Variants in KIAA1328 observed in about 807,000 individuals in gnomAD.
The protein encoded by KIAA1328 is protein hinderin.
Under a neutral mutation model 68.1 loss-of-function variants are expected in KIAA1328, and 52 were observed. The observed-to-expected ratio is 0.76, with a 90% CI of 0.61 to 0.96. KIAA1328 has a LOEUF of 0.96. Ranked by LOEUF, KIAA1328 falls within the 40% of genes least tolerant of loss-of-function variation. The pLI, the probability that KIAA1328 is intolerant of heterozygous loss-of-function variation, is 0.00. For missense variants in KIAA1328, 641 were observed against 677.6 expected, an observed-to-expected ratio of 0.95 and a Z score of 0.60; for synonymous variants, 232 against 239.4, an observed-to-expected ratio of 0.97 and a Z score of 0.28.
At chr18:36,926,822 A>C (rs2050135381) in intron 5 of KIAA1328, among the ~76,000 whole-genome samples, 1 of 152,200 alleles carries the variant, frequency 6.6e-6, no homozygotes, top group Non-Finnish European at 1.5e-5. Context: ...TTGCAAAGAA[A>C]AGACGTGTAA....
chr18:37,185,932 G>A (rs1050997897), intron 9 of KIAA1328, among the ~76,000 whole-genome samples: 7 of 151,256 alleles, frequency 4.6e-5, no homozygotes, highest in African/African-American at 9.7e-5. Context: ...AAAAATTATC[G>A]TTAAACAGTT....
intron 6 of KIAA1328, among the ~76,000 whole-genome samples, chr18:36,970,626 G>A (rs1259955125): frequency 6.6e-6 from 1 of 152,148 alleles, no homozygotes; most frequent in East Asian, 1.9e-4. Flanking sequence ...CAAAATCAGT[G>A]TGCAAAATTC....
chr18:36,863,267 C>T lies in KIAA1328; in HGVS notation c.332+18965C>T, dbSNP rs187417074. The stretch of plus-strand genomic sequence containing the variant: ...AGGTTGAGGTTCTTTTTTTTTTTCC[C>T]CAATTGATGTACAGTTATTCTAGCA... On this transcript the variant is annotated intron_variant, in intron 4 of 9. Transcript: ENST00000280020. 2.0e-4 allele frequency among the ~76,000 whole-genome samples: 30 copies of T among 151,018 alleles called. 1 individual carries two copies. The highest frequency in any genetic ancestry group is 1.6e-3 in the Admixed American group (24 of 15,196).
intron 7 of KIAA1328, among the ~76,000 whole-genome samples, chr18:37,076,685 C>A (rs995363391): frequency 1.3e-5 from 2 of 151,480 alleles, no homozygotes; most frequent in Admixed American, 6.6e-5. Context: ...ACAAACTACC[C>A]TCAGAGACTA....
At chr18:36,965,384 G>C (rs1158288192) in intron 6 of KIAA1328, among the ~76,000 whole-genome samples, 2 of 151,462 alleles carry the variant, frequency 1.3e-5, no homozygotes, top group Non-Finnish European at 2.9e-5. Context: ...TTTAATGTCT[G>C]TTGTTGGTTG....
chr18:37,194,706 G>T lies in KIAA1328; in HGVS notation c.1523+21625G>T, dbSNP rs190580768. On this transcript the variant is annotated intron_variant, in intron 9 of 9. Coordinates refer to ENST00000280020, the MANE Select transcript of KIAA1328 (RefSeq NM_020776.3). ...TTGAGACAAAGTCTCTGTCGCCCAG[G>T]CTGGAGTGCAGTGGCGGGATCTCGG... Among the ~76,000 whole-genome samples, 435 of 152,254 alleles carry T rather than the reference G, an allele frequency of 2.9e-3. 3 individuals are homozygous for T. Among genetic ancestry groups the T allele is most frequent in the African/African-American group, 9.8e-3 (408 of 41,536 alleles).
At chr18:37,130,909 G>A (rs900601673) in intron 7 of KIAA1328, among the ~76,000 whole-genome samples, 7 of 152,070 alleles carry the variant, frequency 4.6e-5, no homozygotes, top group Admixed American at 1.3e-4. Flanking sequence ...ATGTTCCAGG[G>A]CTTTGTGCTC....
At chr18:37,153,516 GT>G (rs1387956339) in intron 7 of KIAA1328, among the ~76,000 whole-genome samples, 1 of 148,266 alleles carries the variant, frequency 6.7e-6, no homozygotes, top group Non-Finnish European at 1.5e-5. Flanking sequence ...ATAAACGCAT[GT>G]TTTTCCCTCT....
intron 5 of KIAA1328, 110 bp downstream of exon 5, chr18:36,885,782 A>G: frequency 1.6e-6 from 1 of 639,636 alleles, no homozygotes; most frequent in Non-Finnish European, 2.6e-6. Context: ...CAATGGTGCG[A>G]TTTCAGTTCA....
At chr18:37,079,925 C>G (rs2056892854) in intron 7 of KIAA1328, among the ~76,000 whole-genome samples, 1 of 148,932 alleles carries the variant, frequency 6.7e-6, no homozygotes, top group African/African-American at 2.5e-5. Flanking sequence ...CTAATGATTT[C>G]TAATTTTCTT....
At chr18:36,841,740 A>C (rs1385304550) in intron 3 of KIAA1328, among the ~76,000 whole-genome samples, 29 of 152,234 alleles carry the variant, frequency 1.9e-4, no homozygotes, top group Admixed American at 1.9e-3. Context: ...ACCTTTGTTT[A>C]CAAAAACAGC....
intron 6 of KIAA1328, among the ~76,000 whole-genome samples, chr18:36,989,375 C>T (rs1255243144): frequency 1.3e-5 from 2 of 152,198 alleles, no homozygotes; most frequent in Non-Finnish European, 2.9e-5. Context: ...TATTTGGATT[C>T]ATCAGAATTC....
intron 5 of KIAA1328, among the ~76,000 whole-genome samples, chr18:36,924,541 A>G (rs377098789): frequency 1.1e-4 from 16 of 152,330 alleles, no homozygotes; most frequent in South Asian, 4.1e-4. Context: ...GAGTATGACT[A>G]TACATTTGGC....
chr18:37,101,282 A>G (rs965629855), intron 7 of KIAA1328, among the ~76,000 whole-genome samples: 1 of 152,176 alleles, frequency 6.6e-6, no homozygotes, highest in Non-Finnish European at 1.5e-5. Flanking sequence ...AAAATTAGAC[A>G]AATGGCTAAC....
Position 36,926,163 on chromosome 18 carries a change from G to C in KIAA1328, c.449-33145G>C, listed in dbSNP as rs112687356. ...TTTCTTGGGTGCTAATTGATTGGAG[G>C]AAGGATAGATTATCTGTGAAATTGG... On this transcript the variant is annotated intron_variant, in intron 5 of 9. Coordinates refer to ENST00000280020, the MANE Select transcript of KIAA1328 (RefSeq NM_020776.3). Among the ~76,000 whole-genome samples, 717 of 152,134 alleles carry C rather than the reference G, an allele frequency of 4.7e-3. 7 individuals carry two copies. Among genetic ancestry groups the C allele is most frequent in the African/African-American group, 0.016 (681 of 41,516 alleles).
intron 7 of KIAA1328, among the ~76,000 whole-genome samples, chr18:37,141,691 A>G (rs2058767833): frequency 6.6e-6 from 1 of 152,240 alleles, no homozygotes; most frequent in Non-Finnish European, 1.5e-5. Flanking sequence ...CCAAAGCTAT[A>G]TAACAATTCT....
intron 6 of KIAA1328, among the ~76,000 whole-genome samples, chr18:36,987,676 A>C (rs912357806): frequency 6.6e-5 from 10 of 152,008 alleles, no homozygotes; most frequent in Admixed American, 2.6e-4. Flanking sequence ...ATTACAGGGG[A>C]CACAAGGAGA....
Position 37,223,132 on chromosome 18 carries a change from A to G in KIAA1328, c.*905A>G, listed in dbSNP as rs2060594631. 1 of 974,926 alleles carries G rather than the reference A, an allele frequency of 1.0e-6. No individual in the cohort carries two copies. The highest frequency in any genetic ancestry group is 1.9e-5 in the African/African-American group (1 of 53,768). The allele number at this position is 974,926 out of a possible 1,614,324, so 60.4% of individuals were successfully genotyped here. A position where few individuals can be genotyped will look rare whatever the true frequency, so the allele number is the denominator to read the frequency against. ...GGAAAATGCCACTAGAGAGAGAGTGATGCAAGCTGCTGCAAAGCTGATGGG... is the reference window on the plus strand; with the variant it reads ...GGAAAATGCCACTAGAGAGAGAGTGGTGCAAGCTGCTGCAAAGCTGATGGG... On this transcript the variant is annotated 3_prime_UTR_variant, in exon 10 of 10. Coordinates refer to ENST00000280020, the MANE Select transcript of KIAA1328 (RefSeq NM_020776.3).
chr18:37,031,188 G>GT (rs2054813509), intron 6 of KIAA1328, among the ~76,000 whole-genome samples: 1 of 152,108 alleles, frequency 6.6e-6, no homozygotes, highest in Non-Finnish European at 1.5e-5. Flanking sequence ...AATCCTTTGG[G>GT]TATATACCTT....
Sources: allele counts gnomAD v4.1 joint callset (sites outside exome capture counted in the v4.1 genomes callset), GRCh38; gene constraint gnomAD v4.1.1; transcripts MANE v1.5; gene names NCBI Gene and HGNC (gene_info 2026-07-23, HGNC 2026-07-21).